MARCHF11: variants seen among roughly 807,000 people sequenced by gnomAD.
The protein encoded by MARCHF11 is membrane associated ring-CH-type finger 11, also known as E3 ubiquitin-protein ligase MARCHF11.
MARCHF11 carries 29 observed loss-of-function variants against 37.3 expected under a neutral mutation model. The ratio of observed to expected loss-of-function variants is 0.78; its 90% CI spans 0.58 to 1.06. The LOEUF is 1.06. Among genes scored for constraint, MARCHF11 ranks in the 50% least tolerant of loss-of-function variants. The probability of loss-of-function intolerance (pLI) is 0.00; values close to 1 mark genes in which losing one functional copy is unlikely to be tolerated. For synonymous variants in MARCHF11, 233 were observed against 228.0 expected (o/e 1.02, Z -0.20); for missense variants, 482 against 533.4 (o/e 0.90, Z 0.95).
At chr5:16,113,139 A>G (rs903678645) in intron 2 of MARCHF11, among the ~76,000 whole-genome samples, 16 of 152,192 alleles carry the variant, frequency 1.1e-4, no homozygotes, top group Admixed American at 5.9e-4. Flanking sequence ...AATGCATGAT[A>G]TATTCAAAAT....
At chr5:16,126,042 T>G (rs938120969) in intron 2 of MARCHF11, among the ~76,000 whole-genome samples, 1 of 152,218 alleles carries the variant, frequency 6.6e-6, no homozygotes, top group Non-Finnish European at 1.5e-5. Context: ...GGGATTCAGA[T>G]GAATCCCTTA....
chr5:16,109,109 C>CAT (rs1243759490), intron 2 of MARCHF11, among the ~76,000 whole-genome samples: 3 of 150,554 alleles, frequency 2.0e-5, no homozygotes, highest in Admixed American at 6.6e-5. Flanking sequence ...GAAATACACA[C>CAT]ACACACACAC....
rs773292350 is a variant in MARCHF11, at chr5:16,090,923, A to G, written c.852T>C (p.Tyr284=). Residue 284 remains tyrosine (Y), a synonymous_variant, in exon 3 of 4, where the codon TAT becomes TAC. Transcript: ENST00000332432. ...CTAGATCCATAAAACCATACATTCC[A>G]TAGCAGATCTGAAAAAGGATGTCCT... ...QRKDILFQIC[Y]GMYGFMDLVC... is the part of the protein sequence containing the mutation. The G allele has an allele frequency of 1.9e-6, 3 of 1,610,854 alleles. No homozygotes were observed. In the South Asian group the frequency reaches 3.3e-5, roughly 18 times the overall value.
At chr5:16,145,083 A>G (rs1737777601) in intron 2 of MARCHF11, among the ~76,000 whole-genome samples, 1 of 152,176 alleles carries the variant, frequency 6.6e-6, no homozygotes, top group Non-Finnish European at 1.5e-5. Context: ...AAAGTCAAAG[A>G]TCCTCCACCC....
In MARCHF11 at chr5:16,098,767, C is replaced by CA. The variant is rs952595468; in HGVS notation, c.694-7687dup. ...TGAGAGGCAGAGTGAGACTCCATCTCAAAAAAAAAAAAGAAAAAAAATACA... is the reference window on the plus strand; with the variant it reads ...TGAGAGGCAGAGTGAGACTCCATCTCAAAAAAAAAAAAAGAAAAAAAATACA... On this transcript the variant is annotated intron_variant, in intron 2 of 3. Coordinates refer to ENST00000332432, the MANE Select transcript of MARCHF11 (RefSeq NM_001102562.3). Among the ~76,000 whole-genome samples the CA allele has an allele frequency of 1.9e-3, 194 of 103,190 alleles. 1 individual carries two copies. The highest frequency in any genetic ancestry group is 4.7e-3 in the East Asian group (17 of 3,606). The allele number at this position is 103,190 out of a possible 152,430, so 67.7% of individuals were successfully genotyped here.
At chr5:16,146,667 A>G (rs1401863556) in intron 2 of MARCHF11, among the ~76,000 whole-genome samples, 1 of 152,222 alleles carries the variant, frequency 6.6e-6, no homozygotes, top group Non-Finnish European at 1.5e-5. Flanking sequence ...AGGCTGTGAG[A>G]AGCCAGATAA....
chr5:16,136,529 G>C (rs1737614210), intron 2 of MARCHF11, among the ~76,000 whole-genome samples: 1 of 152,164 alleles, frequency 6.6e-6, no homozygotes, highest in African/African-American at 2.4e-5. Flanking sequence ...AGTGATTACA[G>C]AATGCATTCA....
intron 3 of MARCHF11, among the ~76,000 whole-genome samples, chr5:16,088,154 T>A (rs1419176151): frequency 6.6e-6 from 1 of 152,262 alleles, no homozygotes; most frequent in African/African-American, 2.4e-5. Flanking sequence ...GCTTGGCTAT[T>A]GCTTCCCCAT....
chr5:16,099,925 G>A (rs899483098), intron 2 of MARCHF11, among the ~76,000 whole-genome samples: 25 of 152,170 alleles, frequency 1.6e-4, no homozygotes, highest in South Asian at 2.1e-4. Context: ...CGGGAATGCT[G>A]TCAGGATTTC....
At chr5:16,162,714 A>T (rs1293559231) in intron 2 of MARCHF11, among the ~76,000 whole-genome samples, 1 of 151,998 alleles carries the variant, frequency 6.6e-6, no homozygotes, top group Non-Finnish European at 1.5e-5. Flanking sequence ...AGTGACTAGA[A>T]TACTGGTATC....
chr5:16,179,092 G>C lies in MARCHF11; in HGVS notation c.484C>G (p.Gln162Glu). Residue 162 changes from glutamine to glutamate, a missense_variant, in exon 1 of 4, where the codon CAG becomes GAG. Coordinates refer to ENST00000332432, the MANE Select transcript of MARCHF11 (RefSeq NM_001102562.3). ...SGGGDQRAGH[Q>E]HQHHQPICKI... ...CAGATGGGCTGGTGGTGCTGGTGCTGGTGCCCAGCGCGCTGGTCGCCGCCG... is the reference window on the plus strand; with the variant it reads ...CAGATGGGCTGGTGGTGCTGGTGCTCGTGCCCAGCGCGCTGGTCGCCGCCG... 8.7e-6 allele frequency: 13 copies of C among 1,496,088 alleles called. No homozygotes were observed. The highest frequency in any genetic ancestry group is 1.2e-5 in the Non-Finnish European group (13 of 1,129,340). The allele number at this position is 1,496,088 out of a possible 1,614,324, so 92.7% of individuals were successfully genotyped here.
intron 2 of MARCHF11, among the ~76,000 whole-genome samples, chr5:16,105,100 T>A (rs1737016779): frequency 6.6e-6 from 1 of 152,244 alleles, no homozygotes; most frequent in South Asian, 2.1e-4. Context: ...GATGGAAGAA[T>A]AATCACCAGT....
At chr5:16,160,360 T>A (rs1023199808) in intron 2 of MARCHF11, among the ~76,000 whole-genome samples, 392 of 145,396 alleles carry the variant, frequency 2.7e-3, no homozygotes, top group Admixed American at 4.5e-3. Context: ...ATTAAATATT[T>A]AATATATAAA....
intron 2 of MARCHF11, among the ~76,000 whole-genome samples, chr5:16,167,948 C>T (rs951261463): frequency 6.6e-6 from 1 of 152,000 alleles, no homozygotes; most frequent in Admixed American, 6.6e-5. Context: ...TACTAGAAAA[C>T]AACAAAGAAT....
intron 2 of MARCHF11, among the ~76,000 whole-genome samples, chr5:16,139,514 T>C (rs1222161944): frequency 6.6e-6 from 1 of 152,144 alleles, no homozygotes; most frequent in Non-Finnish European, 1.5e-5. Context: ...TAAAATAATG[T>C]GACTCAGAAA....
At chr5:16,094,476 C>G (rs1054798585) in intron 2 of MARCHF11, among the ~76,000 whole-genome samples, 33 of 152,184 alleles carry the variant, frequency 2.2e-4, no homozygotes, top group African/African-American at 7.7e-4. Flanking sequence ...ATTTCACTGT[C>G]TCCTCTAAAG....
intron 2 of MARCHF11, among the ~76,000 whole-genome samples, chr5:16,096,542 T>C (rs1736872179): frequency 6.6e-6 from 1 of 152,206 alleles, no homozygotes; most frequent in Non-Finnish European, 1.5e-5. Context: ...TAGTGGAGTA[T>C]TCTCCATGAG....
intron 2 of MARCHF11, among the ~76,000 whole-genome samples, chr5:16,105,535 C>A (rs1478839348): frequency 6.6e-6 from 1 of 152,146 alleles, no homozygotes; most frequent in Non-Finnish European, 1.5e-5. Context: ...TGAGAACTCA[C>A]TATTTGCCAA....
Position 16,067,685 on chromosome 5 carries a change from T to C in MARCHF11, c.995A>G (p.Glu332Gly), listed in dbSNP as rs767892814. ...TGTGGAAGACTCTCCCCGGCTGCTT[T>C]CTTCGATGTCTGTGGCTTTGTCATA... ...LNYDKATDIE[E>G]SSRGESSTSR... Residue 332 changes from glutamate (E) to glycine (G), a missense_variant, in exon 4 of 4, where the codon GAA becomes GGA. Transcript: ENST00000332432. The C allele has an allele frequency of 3.1e-6, 5 of 1,613,974 alleles. No individual in the cohort carries two copies. The highest frequency in any genetic ancestry group is 1.1e-5 in the South Asian group (1 of 91,082).
Sources: allele counts gnomAD v4.1 joint callset (sites outside exome capture counted in the v4.1 genomes callset), GRCh38; gene constraint gnomAD v4.1.1; transcripts MANE v1.5; gene names NCBI Gene and HGNC (gene_info 2026-07-23, HGNC 2026-07-21).